EPHB2: variants seen among roughly 807,000 people sequenced by gnomAD.
EPHB2 encodes the protein ephrin type-B receptor 2.
A neutral mutation model predicts 96.4 loss-of-function variants in EPHB2; 18 were observed. That is an observed-to-expected ratio of 0.19 (90% CI 0.13 to 0.28). The LOEUF (loss-of-function observed/expected upper bound fraction) is 0.28. Ranked by LOEUF, EPHB2 falls within the 10% of genes least tolerant of loss-of-function variation. The pLI is 1.00. For synonymous variants in EPHB2, 506 were observed against 534.1 expected (o/e 0.95, Z 0.72); for missense variants, 989 against 1,355.4 (o/e 0.73, Z 4.25).
At chr1:22,788,463 A>T (rs2148429904) in intron 3 of EPHB2, among the ~76,000 whole-genome samples, 1 of 152,330 alleles carries the variant, frequency 6.6e-6, no homozygotes, top group East Asian at 1.9e-4. Context: ...TGTCACCCAG[A>T]TGTGAGGCTG....
intron 1 of EPHB2, among the ~76,000 whole-genome samples, chr1:22,732,660 C>T (rs1570170125): frequency 6.6e-6 from 1 of 152,150 alleles, no homozygotes; most frequent in African/African-American, 2.4e-5. Flanking sequence ...TGCCCCCCGG[C>T]CCCGCTTTAT....
intron 1 of EPHB2, among the ~76,000 whole-genome samples, chr1:22,754,032 C>A (rs970095610): frequency 6.6e-6 from 1 of 152,146 alleles, no homozygotes; most frequent in Non-Finnish European, 1.5e-5. Flanking sequence ...GATTCGTGAT[C>A]CCCTGGGGTT....
intron 1 of EPHB2, among the ~76,000 whole-genome samples, chr1:22,762,117 G>A (rs756829380): frequency 1.1e-4 from 17 of 152,334 alleles, no homozygotes; most frequent in Non-Finnish European, 1.9e-4. Context: ...GCCTGGCACC[G>A]ACATCACCCG....
intron 1 of EPHB2, among the ~76,000 whole-genome samples, chr1:22,750,845 C>G (rs891507065): frequency 6.6e-6 from 1 of 152,124 alleles, no homozygotes; most frequent in African/African-American, 2.4e-5. Flanking sequence ...TAAGCTGATA[C>G]ACAGAGAGGT....
intron 14 of EPHB2, among the ~76,000 whole-genome samples, chr1:22,912,000 G>GCTTC (rs1332622545): frequency 6.6e-6 from 1 of 152,194 alleles, no homozygotes; most frequent in Non-Finnish European, 1.5e-5. Flanking sequence ...CAGAAGGTGA[G>GCTTC]CTTCCTATAG....
chr1:22,795,176 G>A (rs1032475859), intron 3 of EPHB2, among the ~76,000 whole-genome samples: 1 of 152,198 alleles, frequency 6.6e-6, no homozygotes, highest in African/African-American at 2.4e-5. Context: ...GGCCCAGAGA[G>A]GGGAAGAAAG....
intron 1 of EPHB2, among the ~76,000 whole-genome samples, chr1:22,723,310 C>A (rs776649192): frequency 6.6e-6 from 1 of 152,252 alleles, no homozygotes; most frequent in African/African-American, 2.4e-5. Context: ...TTGGAACCCA[C>A]GAAAGGCCAT....
At chr1:22,806,335 CTG>C (rs1306364382) in intron 3 of EPHB2, among the ~76,000 whole-genome samples, 2 of 152,214 alleles carry the variant, frequency 1.3e-5, no homozygotes, top group Non-Finnish European at 2.9e-5. Flanking sequence ...GTTCCAGAGT[CTG>C]TGCTCACTGT....
At chr1:22,877,768 A>C (rs778261407) in intron 5 of EPHB2, among the ~76,000 whole-genome samples, 2 of 152,186 alleles carry the variant, frequency 1.3e-5, no homozygotes, top group Non-Finnish European at 2.9e-5. Context: ...AGCCTTGGAC[A>C]AGTCACTTTC....
At chr1:22,904,598 G>A (rs1228819490) in intron 9 of EPHB2, among the ~76,000 whole-genome samples, 1 of 152,148 alleles carries the variant, frequency 6.6e-6, no homozygotes, top group Non-Finnish European at 1.5e-5. Context: ...ACGTGTTAGA[G>A]CAGCGGTTGA....
chr1:22,738,628 T>A (rs1255223092), intron 1 of EPHB2, among the ~76,000 whole-genome samples: 1 of 152,228 alleles, frequency 6.6e-6, no homozygotes, highest in Admixed American at 6.5e-5. Context: ...TGCAATTCAA[T>A]CATTCATTAT....
intron 5 of EPHB2, among the ~76,000 whole-genome samples, chr1:22,865,506 G>A (rs1339381406): frequency 6.6e-6 from 1 of 152,188 alleles, no homozygotes; most frequent in Admixed American, 6.5e-5. Flanking sequence ...CTCTCTCATG[G>A]GAGAATCCAG....
intron 1 of EPHB2, among the ~76,000 whole-genome samples, chr1:22,732,601 T>A (rs1447047640): frequency 6.6e-6 from 1 of 152,176 alleles, no homozygotes; most frequent in Admixed American, 6.5e-5. Flanking sequence ...CTTTTGTGCC[T>A]CTGCTGAAGG....
At position 22,907,938 on chromosome 1, in the gene EPHB2, C is replaced by T; in HGVS notation, c.2137-15C>T. ...CTCTTCTGTTTACTCTGTGTTTTCC[C>T]CACTTCTCCCAAAGCAAAACGATGG... On this transcript the variant is annotated splice_polypyrimidine_tract_variant and intron_variant, in intron 11 of 15. Coordinates refer to ENST00000374630, the MANE Select transcript of EPHB2 (RefSeq NM_017449.5). 6.2e-7 allele frequency: 1 copy of T among 1,614,124 alleles called. No homozygotes were observed. The highest frequency in any genetic ancestry group is 8.5e-7 in the Non-Finnish European group (1 of 1,179,948).
intron 12 of EPHB2, 131 bp downstream of exon 12, chr1:22,908,299 A>C: frequency 1.8e-6 from 2 of 1,123,526 alleles, no homozygotes; most frequent in Admixed American, 2.0e-5. Flanking sequence ...GGAGACAGGA[A>C]GACAGGAACC....
chr1:22,806,966 C>A (rs1210781563), intron 3 of EPHB2, among the ~76,000 whole-genome samples: 1 of 152,180 alleles, frequency 6.6e-6, no homozygotes, highest in Admixed American at 6.5e-5. Flanking sequence ...GCTGCAGCAC[C>A]AAGAGGCAGG....
At chr1:22,824,029 G>A (rs1330401059) in intron 3 of EPHB2, among the ~76,000 whole-genome samples, 1 of 152,196 alleles carries the variant, frequency 6.6e-6, no homozygotes, top group Non-Finnish European at 1.5e-5. Flanking sequence ...TGATGGATGG[G>A]TGGAGAGAGT....
chr1:22,790,296 A>T lies in EPHB2; in HGVS notation c.811+5220A>T, dbSNP rs1233510960. On this transcript the variant is annotated intron_variant, in intron 3 of 15. Transcript: ENST00000374630. The surrounding 1 kb of genome is among the most constrained non-coding windows in gnomAD (Gnocchi z 4.0). ...TTTTCCCCTATTTATTCACCTGTTC[A>T]TTTTTTATCGCATGCCTAATCGGGG... Among the ~76,000 whole-genome samples, 1 of 151,802 alleles carries T rather than the reference A, an allele frequency of 6.6e-6. No homozygotes were observed. Among genetic ancestry groups the T allele is most frequent in the East Asian group, 1.9e-4 (1 of 5,146 alleles).
chr1:22,756,661 C>T (rs921651864), intron 1 of EPHB2, among the ~76,000 whole-genome samples: 7 of 152,188 alleles, frequency 4.6e-5, no homozygotes, highest in South Asian at 2.1e-4. Flanking sequence ...CATGGACCTG[C>T]GCTGACCCCA....
Sources: allele counts gnomAD v4.1 joint callset (sites outside exome capture counted in the v4.1 genomes callset), GRCh38; gene constraint gnomAD v4.1.1; non-coding constraint Gnocchi (gnomAD v3.1); transcripts MANE v1.5; gene names NCBI Gene and HGNC (gene_info 2026-07-23, HGNC 2026-07-21).